Variants in SCAPER observed in about 807,000 individuals in gnomAD.
The protein encoded by SCAPER is S phase cyclin A-associated protein in the endoplasmic reticulum.
A neutral mutation model predicts 182.2 loss-of-function variants in SCAPER; 98 were observed. The observed-to-expected ratio is 0.54, with a 90% CI of 0.46 to 0.64. The LOEUF is 0.64. Ranked by LOEUF, SCAPER falls within the 30% of genes least tolerant of loss-of-function variation. The pLI, the probability that SCAPER is intolerant of heterozygous loss-of-function variation, is 0.00. For missense variants in SCAPER, 1,432 were observed against 1,690.0 expected (o/e 0.85, Z 2.68); for synonymous variants, 605 against 564.6 (o/e 1.07, Z -1.01).
chr15:76,625,737 A>C (rs552290354), intron 21 of SCAPER, among the ~76,000 whole-genome samples: 1 of 152,216 alleles, frequency 6.6e-6, no homozygotes, highest in African/African-American at 2.4e-5. Flanking sequence ...TGTTAGTTGC[A>C]GGGGCTTTCC....
intron 25 of SCAPER, among the ~76,000 whole-genome samples, chr15:76,449,353 G>T (rs2048216488): frequency 6.6e-6 from 1 of 152,158 alleles, no homozygotes; most frequent in African/African-American, 2.4e-5. Flanking sequence ...TACAGATTTT[G>T]ATCTGTATTC....
At chr15:76,526,470 A>C (rs1221236131) in intron 23 of SCAPER, among the ~76,000 whole-genome samples, 1 of 152,132 alleles carries the variant, frequency 6.6e-6, no homozygotes, top group African/African-American at 2.4e-5. Context: ...GAAAATTATC[A>C]GGTGTTTTAT....
chr15:76,566,634 C>G (rs1417679455), intron 23 of SCAPER, among the ~76,000 whole-genome samples: 1 of 152,076 alleles, frequency 6.6e-6, no homozygotes, highest in African/African-American at 2.4e-5. Flanking sequence ...ATCGCATTCA[C>G]TTGGACCAAA....
intron 8 of SCAPER, among the ~76,000 whole-genome samples, chr15:76,782,475 G>C (rs1399605258): frequency 6.6e-6 from 1 of 152,152 alleles, no homozygotes; most frequent in African/African-American, 2.4e-5. Context: ...AGATCAATGA[G>C]ACAGAAGGTT....
chr15:76,674,127 ATT>A (rs1278621074), intron 20 of SCAPER, among the ~76,000 whole-genome samples: 4 of 152,152 alleles, frequency 2.6e-5, no homozygotes, highest in Non-Finnish European at 5.9e-5. Context: ...TGAGGGAACC[ATT>A]TCTTTATAAA....
intron 20 of SCAPER, among the ~76,000 whole-genome samples, chr15:76,678,051 T>G (rs944427943): frequency 6.6e-6 from 1 of 151,986 alleles, no homozygotes; most frequent in Non-Finnish European, 1.5e-5. Context: ...ATAATCTCCT[T>G]CCCATTATTT....
rs112050764 is a variant in SCAPER at position 76,859,348 on chromosome 15, T to C, written c.125-1469A>G. ...AACCTACAGAGCCACATCCTTTAAT[T>C]ATAAAAAACAATCTACCAGCAAGTT... On this transcript the variant is annotated intron_variant, in intron 3 of 31. Coordinates refer to ENST00000563290, the MANE Select transcript of SCAPER (RefSeq NM_020843.4). Among the ~76,000 whole-genome samples the C allele has an allele frequency of 1.5e-3, 230 of 152,270 alleles. 2 individuals are homozygous for C. Among genetic ancestry groups the C allele is most frequent in the African/African-American group, 4.9e-3 (203 of 41,556 alleles).
chr15:76,875,974 C>T (rs986228535), intron 2 of SCAPER, among the ~76,000 whole-genome samples: 1 of 152,182 alleles, frequency 6.6e-6, no homozygotes, highest in Non-Finnish European at 1.5e-5. Flanking sequence ...AGCCCTGCCC[C>T]GCTGGGAGGC....
At chr15:76,669,949 C>T (rs1304769390) in intron 20 of SCAPER, among the ~76,000 whole-genome samples, 1 of 152,142 alleles carries the variant, frequency 6.6e-6, no homozygotes, top group Non-Finnish European at 1.5e-5. Context: ...AACTTATACA[C>T]AAATGCAGTC....
At chr15:76,780,521 T>C (rs536925577) in intron 8 of SCAPER, among the ~76,000 whole-genome samples, 1 of 152,166 alleles carries the variant, frequency 6.6e-6, no homozygotes, top group Non-Finnish European at 1.5e-5. Flanking sequence ...CTAAAGAGAG[T>C]AGTGGTTCTC....
At chr15:76,606,712 C>T (rs1335088767) in intron 22 of SCAPER, among the ~76,000 whole-genome samples, 6 of 151,470 alleles carry the variant, frequency 4.0e-5, no homozygotes, top group Admixed American at 3.3e-4. Flanking sequence ...GTATTGGGTG[C>T]ATATATATTT....
chr15:76,403,736 T>C (rs1314259714), intron 27 of SCAPER, among the ~76,000 whole-genome samples: 2 of 152,176 alleles, frequency 1.3e-5, no homozygotes, highest in African/African-American at 4.8e-5. Context: ...AATTATTTGA[T>C]TGAACATCCT....
At chr15:76,359,468 C>T (rs1047788514) in intron 29 of SCAPER, among the ~76,000 whole-genome samples, 4 of 152,180 alleles carry the variant, frequency 2.6e-5, no homozygotes, top group African/African-American at 9.7e-5. Context: ...AAGCATGATC[C>T]AAGAAATACA....
At chr15:76,549,196 T>C (rs890436319) in intron 23 of SCAPER, among the ~76,000 whole-genome samples, 6 of 152,164 alleles carry the variant, frequency 3.9e-5, no homozygotes, top group Non-Finnish European at 5.9e-5. Context: ...GAAGTCAGTG[T>C]GGCGATTCCT....
chr15:76,414,409 ATCATGTC>A (rs1431069756), intron 26 of SCAPER, among the ~76,000 whole-genome samples: 1 of 152,112 alleles, frequency 6.6e-6, no homozygotes, highest in African/African-American at 2.4e-5. Context: ...ACTGAAGCTG[ATCATGTC>A]AAACTGCTGA....
intron 9 of SCAPER, among the ~76,000 whole-genome samples, chr15:76,772,511 T>C (rs2063527077): frequency 6.6e-6 from 1 of 152,002 alleles, no homozygotes; most frequent in South Asian, 2.1e-4. Context: ...AAAATTCATA[T>C]GGTACATGAA....
chr15:76,866,799 A>G (rs996770338), intron 2 of SCAPER, among the ~76,000 whole-genome samples: 1 of 152,174 alleles, frequency 6.6e-6, no homozygotes, highest in Non-Finnish European at 1.5e-5. Flanking sequence ...CATGGTTCTG[A>G]GATACTTCAT....
chr15:76,482,421 T>C (rs1425136939), intron 24 of SCAPER, among the ~76,000 whole-genome samples: 1 of 152,162 alleles, frequency 6.6e-6, no homozygotes, highest in African/African-American at 2.4e-5. Context: ...GTAGCTAACA[T>C]CTTATTTAAT....
chr15:76,618,154 G>A (rs946873324), intron 22 of SCAPER, among the ~76,000 whole-genome samples: 2 of 152,226 alleles, frequency 1.3e-5, no homozygotes, highest in East Asian at 3.9e-4. Flanking sequence ...CAGCTACTAG[G>A]GAGGCTGAGG....
Sources: allele counts gnomAD v4.1 joint callset (sites outside exome capture counted in the v4.1 genomes callset), GRCh38; gene constraint gnomAD v4.1.1; transcripts MANE v1.5; gene names NCBI Gene and HGNC (gene_info 2026-07-23, HGNC 2026-07-21).